The following STK3 variants were observed in gnomAD, a reference collection of about 807,000 sequenced individuals.
STK3 encodes serine/threonine-protein kinase 3.
A neutral mutation model predicts 58.0 loss-of-function variants in STK3; 41 were observed. The ratio of observed to expected loss-of-function variants is 0.71; its 90% confidence interval spans 0.55 to 0.92. The LOEUF (loss-of-function observed/expected upper bound fraction) is 0.92. STK3 is among the 40% of genes least tolerant of loss of function. STK3 has a pLI of 0.00. For missense variants in STK3, 479 were observed against 602.7 expected (o/e 0.79, Z 2.15); for synonymous variants, 170 against 191.0 (o/e 0.89, Z 0.91).
At chr8:98,435,377 A>G (rs1818449747) in intron 2 of STK3, among the ~76,000 whole-genome samples, 1 of 152,234 alleles carries the variant, frequency 6.6e-6, no homozygotes, top group Non-Finnish European at 1.5e-5. Flanking sequence ...GAGAAAAGCA[A>G]GGTGCAGATG....
At chr8:98,667,358 G>A (rs992375996) in intron 6 of STK3, among the ~76,000 whole-genome samples, 3 of 152,070 alleles carry the variant, frequency 2.0e-5, no homozygotes, top group African/African-American at 7.2e-5. Context: ...GTTGCCGGGG[G>A]AACAAAATGA....
chr8:98,678,887 T>C (rs1418964445), intron 6 of STK3, among the ~76,000 whole-genome samples: 1 of 152,228 alleles, frequency 6.6e-6, no homozygotes, highest in Non-Finnish European at 1.5e-5. Flanking sequence ...AGTTGAGTTT[T>C]GTGGAAGAAT....
At chr8:98,451,289 A>G (rs930625392), downstream of STK3, among the ~76,000 whole-genome samples, 2 of 152,180 alleles carry the variant, frequency 1.3e-5, no homozygotes, top group Non-Finnish European at 2.9e-5. Context: ...ATAAACACCA[A>G]GTCTCTGCCG....
At chr8:98,717,988 C>T (rs938103202) in intron 4 of STK3, among the ~76,000 whole-genome samples, 1 of 152,136 alleles carries the variant, frequency 6.6e-6, no homozygotes, top group Non-Finnish European at 1.5e-5. Flanking sequence ...ATATGAAATA[C>T]TCAGAGTTAC....
chr8:98,776,568 T>C (rs1213642806), intron 1 of STK3, among the ~76,000 whole-genome samples: 1 of 151,962 alleles, frequency 6.6e-6, no homozygotes, highest in Admixed American at 6.6e-5. Context: ...TGAACAGAAA[T>C]ATGAGCGTGG....
intron 4 of STK3, among the ~76,000 whole-genome samples, chr8:98,717,990 C>CAA (rs1453931795): frequency 1.3e-5 from 2 of 152,144 alleles, no homozygotes; most frequent in Non-Finnish European, 2.9e-5. Flanking sequence ...ATGAAATACT[C>CAA]AGAGTTACCA....
At chr8:98,410,068 A>C (rs1373011043) in intron 3 of STK3, among the ~76,000 whole-genome samples, 4 of 152,188 alleles carry the variant, frequency 2.6e-5, no homozygotes. Context: ...CTGTTAGAAA[A>C]GGGGAAAAAT....
At chr8:98,393,233 T>A (rs534682816), upstream of STK3, among the ~76,000 whole-genome samples, 14 of 152,270 alleles carry the variant, frequency 9.2e-5, no homozygotes, top group African/African-American at 3.4e-4. Flanking sequence ...TACTGGCATG[T>A]CTGAACATGG....
At chr8:98,534,424 C>T (rs978631635) in intron 9 of STK3, among the ~76,000 whole-genome samples, 6 of 152,182 alleles carry the variant, frequency 3.9e-5, no homozygotes, top group African/African-American at 1.4e-4. Flanking sequence ...AGCATGAAAA[C>T]AGCCAAAGCT....
intron 6 of STK3, among the ~76,000 whole-genome samples, chr8:98,701,626 A>AAG (rs1825624413): frequency 1.4e-5 from 2 of 143,404 alleles, no homozygotes; most frequent in African/African-American, 5.7e-5. Context: ...TGTCTCAAAA[A>AAG]AAAATATATA....
At chr8:98,803,633 A>G (rs1296647998) in intron 1 of STK3, among the ~76,000 whole-genome samples, 2 of 151,698 alleles carry the variant, frequency 1.3e-5, no homozygotes, top group African/African-American at 4.8e-5. Context: ...AGAAATAGTA[A>G]AAACAATAAC....
rs561512150 is a variant in STK3, at chr8:98,746,221, G to A, written c.351+3055C>T. Among the ~76,000 whole-genome samples the A allele has an allele frequency of 1.2e-4, 18 of 152,172 alleles. No individual in the cohort carries two copies. In the South Asian group the frequency reaches 2.1e-3, roughly 18 times the overall value. ...GAAACAAAAACCTTAAGTAAAATAC[G>A]TCAACATTCAGAAGTTCAAATAACC... On this transcript the variant is annotated intron_variant, in intron 4 of 10. Transcript: ENST00000419617.
At chr8:98,364,513 T>C in the STK3 span, among the ~76,000 whole-genome samples, 1 of 152,236 alleles carries the variant, frequency 6.6e-6, no homozygotes, top group African/African-American at 2.4e-5. Context: ...TTGGTTTCTA[T>C]TTCCTTAACA....
At chr8:98,554,000 T>G (rs1811408143) in intron 8 of STK3, among the ~76,000 whole-genome samples, 1 of 151,684 alleles carries the variant, frequency 6.6e-6, no homozygotes, top group African/African-American at 2.4e-5. Context: ...GGTGCTATTA[T>G]TCCTCTTAGG....
chr8:98,444,436 C>A (rs767517122), intron 1 of STK3, among the ~76,000 whole-genome samples: 10 of 152,152 alleles, frequency 6.6e-5, no homozygotes, highest in Non-Finnish European at 1.3e-4. Flanking sequence ...GTGAGATCGA[C>A]TGAGGAGGAA....
intron 1 of STK3, among the ~76,000 whole-genome samples, chr8:98,934,061 T>C (rs2132045239): frequency 6.6e-6 from 1 of 152,336 alleles, no homozygotes; most frequent in South Asian, 2.1e-4. Context: ...GAACCCAAGC[T>C]GCACATTTTT....
At chr8:98,551,662 C>T (rs1450688780) in intron 8 of STK3, among the ~76,000 whole-genome samples, 1 of 152,160 alleles carries the variant, frequency 6.6e-6, no homozygotes, top group Non-Finnish European at 1.5e-5. Flanking sequence ...CAACCACAGA[C>T]TGGCGCACAA....
At chr8:98,688,917 G>A (rs895065026) in intron 6 of STK3, among the ~76,000 whole-genome samples, 10 of 151,882 alleles carry the variant, frequency 6.6e-5, no homozygotes, top group Non-Finnish European at 1.5e-4. Flanking sequence ...AGTCAGAGTA[G>A]AACTAAATGA....
At chr8:98,805,163 ATAAC>A (rs1163925968) in intron 1 of STK3, among the ~76,000 whole-genome samples, 2 of 152,374 alleles carry the variant, frequency 1.3e-5, no homozygotes, top group Admixed American at 1.3e-4. Context: ...GACAAAACTC[ATAAC>A]TAACTGCGGA....
Sources: gnomAD v4.1 joint callset for allele counts (sites outside exome capture counted in the v4.1 genomes callset) on GRCh38, gnomAD v4.1.1 for gene constraint, MANE v1.5 for transcripts, NCBI Gene and HGNC (gene_info 2026-07-23, HGNC 2026-07-21) for gene names.